RCBTB2: variants seen among roughly 807,000 people sequenced by gnomAD.
The protein encoded by RCBTB2 is RCC1 and BTB domain containing protein 2, also known as RCC1 and BTB domain-containing protein 2.
A neutral mutation model predicts 65.4 loss-of-function variants in RCBTB2; 55 were observed. The observed-to-expected ratio is 0.84, with a 90% CI of 0.68 to 1.05. RCBTB2 has a LOEUF of 1.05. Ranked by LOEUF, RCBTB2 falls within the 50% of genes least tolerant of loss-of-function variation. RCBTB2 has a pLI of 0.00. For missense variants in RCBTB2, 599 were observed against 680.1 expected, an observed-to-expected ratio of 0.88 and a Z score of 1.33; for synonymous variants, 220 against 255.2, an observed-to-expected ratio of 0.86 and a Z score of 1.31.
chr13:48,524,127 T>A (rs1951574666), intron 2 of RCBTB2, among the ~76,000 whole-genome samples: 1 of 152,148 alleles, frequency 6.6e-6, no homozygotes, highest in African/African-American at 2.4e-5. Flanking sequence ...TTTTTTACAT[T>A]ATTTCAATGT....
In RCBTB2 at chr13:48,511,855, C is replaced by G; in HGVS notation, c.698G>C (p.Gly233Ala). 1 of 1,614,200 alleles carries G rather than the reference C, an allele frequency of 6.2e-7. No individual in the cohort carries two copies. ...GTTGCCGAGTCCAAGCTGCCCGTTT[C>G]CGTTGTAACCCCAGACATAGACCTG... ...TGEVYVWGYN[G>A]NGQLGLGNSG... Residue 233 changes from glycine to alanine, a missense_variant, in exon 9 of 15, where the codon GGA (glycine) becomes GCA (alanine). Transcript: ENST00000344532.
intron 1 of RCBTB2, among the ~76,000 whole-genome samples, chr13:48,530,408 G>A (rs899632290): frequency 1.3e-5 from 2 of 152,276 alleles, no homozygotes; most frequent in East Asian, 1.9e-4. Flanking sequence ...TGTAAGTAAA[G>A]GACATGAGGG....
chr13:48,493,313 A>ACGCTCTCT (rs1213235186), intron 14 of RCBTB2, among the ~76,000 whole-genome samples: 1 of 60,060 alleles, frequency 1.7e-5, no homozygotes, highest in Non-Finnish European at 3.2e-5. Flanking sequence ...ACACACACAC[A>ACGCTCTCT]CACTCTCTCT....
At chr13:48,522,263 A>T in intron 3 of RCBTB2, 45 bp downstream of exon 3, 1 of 1,238,638 alleles carries the variant, frequency 8.1e-7, no homozygotes, top group Non-Finnish European at 1.1e-6. Context: ...GAAAATTTTC[A>T]TTTCAGAGTT....
chr13:48,520,423 T>A (rs1951356345), intron 4 of RCBTB2, among the ~76,000 whole-genome samples: 1 of 152,150 alleles, frequency 6.6e-6, no homozygotes, highest in Admixed American at 6.5e-5. Flanking sequence ...CAATATGGTG[T>A]CCCTAGAATT....
chr13:48,515,532 T>C, intron 5 of RCBTB2, 54 bp downstream of exon 5: 1 of 1,498,230 alleles, frequency 6.7e-7, no homozygotes, highest in East Asian at 2.3e-5. Context: ...ATCTTCAATT[T>C]GGCAAATCCA....
Position 48,499,650 on chromosome 13 carries a change from C to T in RCBTB2, c.1355G>A (p.Ser452Asn). Reference protein sequence around the residue: ...RAFLEYLYTDSISLSPEEAVG... With the variant: ...RAFLEYLYTDNISLSPEEAVG... ...TGCCTCCTCAGGAGAAAGGCTGATG[C>T]TGTCTGTGTATAGGTATTCCAGGAA... The change falls in exon 13 of 15, where the codon AGC becomes AAC. Residue 452 changes from serine to asparagine, a missense_variant. Physicochemically the swap from Ser to Asn is conservative, Grantham distance 46. Coordinates refer to ENST00000344532, the MANE Select transcript of RCBTB2 (RefSeq NM_001268.4). The T allele has an allele frequency of 6.2e-7, 1 of 1,614,184 alleles. No individual in the cohort carries two copies. Among genetic ancestry groups the T allele is most frequent in the Non-Finnish European group, 8.5e-7 (1 of 1,180,016 alleles).
chr13:48,511,027 G>T (rs1340507783), intron 9 of RCBTB2, among the ~76,000 whole-genome samples: 1 of 152,120 alleles, frequency 6.6e-6, no homozygotes, highest in African/African-American at 2.4e-5. Flanking sequence ...AGGGGTATGA[G>T]GGGAATGTAA....
chr13:48,530,579 C>T (rs751279205), intron 1 of RCBTB2, among the ~76,000 whole-genome samples: 1 of 152,240 alleles, frequency 6.6e-6, no homozygotes. Context: ...ATTTAAGCTC[C>T]TCTCCTACAC....
At chr13:48,523,897 C>G (rs940712080) in intron 2 of RCBTB2, among the ~76,000 whole-genome samples, 2 of 152,042 alleles carry the variant, frequency 1.3e-5, no homozygotes, top group Admixed American at 6.6e-5. Flanking sequence ...TATCTGACAT[C>G]AGGTTAAGAC....
At position 48,521,880 on chromosome 13, in the gene RCBTB2, G is replaced by C; in HGVS notation, c.42+18C>G. 1 of 1,612,146 alleles carries C rather than the reference G, an allele frequency of 6.2e-7. No homozygotes were observed. The highest frequency in any genetic ancestry group is 8.5e-7 in the Non-Finnish European group (1 of 1,178,540). ...GCAACAGAACACACATGCTCCAAGG[G>C]CATGATTTTTTTCTAACCTTGCCAC... On this transcript the variant is annotated intron_variant, in intron 4 of 14. Coordinates refer to ENST00000344532, the MANE Select transcript of RCBTB2 (RefSeq NM_001268.4).
intron 10 of RCBTB2, among the ~76,000 whole-genome samples, chr13:48,508,938 G>C (rs1021768435): frequency 6.6e-6 from 1 of 152,202 alleles, no homozygotes; most frequent in African/African-American, 2.4e-5. Flanking sequence ...GGGACCAGCA[G>C]TGCAATGCAG....
In RCBTB2 at chr13:48,515,282, C is replaced by A; in HGVS notation, c.272G>T (p.Arg91Ile). 1.2e-6 allele frequency: 2 copies of A among 1,614,148 alleles called. No individual in the cohort carries two copies. Among genetic ancestry groups the A allele is most frequent in the Non-Finnish European group, 1.7e-6 (2 of 1,179,998 alleles). ...GDVQSTIEPR[R>I]LDSLNGKKIA... is the part of the protein sequence containing the mutation. Reference sequence around the variant, plus strand: ...TTTTTTGCCATTTAAAGAATCCAGTCTCCGAGGTTCAATGGTGCTCTGGAC... The same window carrying A: ...TTTTTTGCCATTTAAAGAATCCAGTATCCGAGGTTCAATGGTGCTCTGGAC... The change falls in exon 6 of 15, where the codon AGA (arginine) becomes ATA (isoleucine). Residue 91 changes from arginine (R) to isoleucine (I), a missense_variant. Transcript: ENST00000344532.
At chr13:48,507,072 G>A (rs1316482033) in intron 10 of RCBTB2, among the ~76,000 whole-genome samples, 4 of 152,246 alleles carry the variant, frequency 2.6e-5, no homozygotes, top group Non-Finnish European at 5.9e-5. Context: ...CTAGAGAAGG[G>A]CTGGGACAGA....
In RCBTB2 at chr13:48,519,128, A is replaced by T. The variant is rs141031461; in HGVS notation, c.42+2770T>A. Among the ~76,000 whole-genome samples the T allele has an allele frequency of 1.4e-3, 206 of 152,348 alleles. 1 individual carries two copies. Among genetic ancestry groups the T allele is most frequent in the Non-Finnish European group, 2.6e-3 (179 of 68,028 alleles). On this transcript the variant is annotated intron_variant, in intron 4 of 14. Coordinates refer to ENST00000344532, the MANE Select transcript of RCBTB2 (RefSeq NM_001268.4). ...ACTAGCTTCTCAGTGGATGAGCCAG[A>T]TTAAAGCCCAGAGTTCTTTCCACAT...
At chr13:48,503,576 T>C (rs1194051006) in intron 10 of RCBTB2, among the ~76,000 whole-genome samples, 1 of 152,054 alleles carries the variant, frequency 6.6e-6, no homozygotes, top group Non-Finnish European at 1.5e-5. Flanking sequence ...GAGTCTTGCC[T>C]TGTCACCCAG....
At chr13:48,535,084 G>A (rs1013368235), upstream of RCBTB2, among the ~76,000 whole-genome samples, 3 of 152,056 alleles carry the variant, frequency 2.0e-5, no homozygotes, top group African/African-American at 2.4e-5. Flanking sequence ...ATTAATTTTT[G>A]GATCATTCCC....
chr13:48,493,259 A>ACACACACACACACACACT (rs1555297731), intron 14 of RCBTB2, among the ~76,000 whole-genome samples: 1 of 121,754 alleles, frequency 8.2e-6, no homozygotes, highest in Admixed American at 8.1e-5. Context: ...ACACACACAC[A>ACACACACACACACACACT]CTCTTCTCTC....
intron 10 of RCBTB2, among the ~76,000 whole-genome samples, chr13:48,507,088 C>A (rs1003467332): frequency 6.6e-6 from 1 of 152,212 alleles, no homozygotes; most frequent in African/African-American, 2.4e-5. Context: ...ACAGACAGAG[C>A]CAAAGGGTGG....
Sources: allele counts gnomAD v4.1 joint callset (sites outside exome capture counted in the v4.1 genomes callset), GRCh38; gene constraint gnomAD v4.1.1; transcripts MANE v1.5; gene names NCBI Gene and HGNC (gene_info 2026-07-23, HGNC 2026-07-21).